The following PLPP4 variants were observed in gnomAD, a reference collection of about 807,000 sequenced individuals.
PLPP4 encodes the protein phospholipid phosphatase 4, also known as diacylglycerol pyrophosphate like 2.
Under a neutral mutation model 32.2 loss-of-function variants are expected in PLPP4, and 20 were observed. That is an observed-to-expected ratio of 0.62 (90% CI 0.44 to 0.90). The LOEUF (loss-of-function observed/expected upper bound fraction) is 0.90, where lower values mean the gene tolerates loss of function less well. PLPP4 is among the 40% of genes least tolerant of loss of function. The pLI is 0.00. For missense variants in PLPP4, 257 were observed against 353.1 expected (o/e 0.73, Z 2.18); for synonymous variants, 127 against 133.0 (o/e 0.95, Z 0.31).
chr10:120,576,283 C>T (rs1242365331), intron 6 of PLPP4, among the ~76,000 whole-genome samples: 1 of 152,210 alleles, frequency 6.6e-6, no homozygotes, highest in Non-Finnish European at 1.5e-5. Context: ...GTCTGTGACC[C>T]AAACCTCCTC....
intron 5 of PLPP4, among the ~76,000 whole-genome samples, chr10:120,557,429 A>G (rs1002423391): frequency 2.0e-5 from 3 of 152,190 alleles, no homozygotes; most frequent in African/African-American, 7.2e-5. Context: ...CCTCCGGAGA[A>G]TGCCATGTCT....
At chr10:120,505,223 G>T (rs188720724) in intron 2 of PLPP4, among the ~76,000 whole-genome samples, 2 of 152,204 alleles carry the variant, frequency 1.3e-5, no homozygotes. Flanking sequence ...AGGTTCTAGC[G>T]GCCAGCTCTT....
At position 120,520,977 on chromosome 10, in the gene PLPP4, C is replaced by T; in HGVS notation, c.327C>T (p.Arg109=). ...NTIKLIVGRP[R]PDFFYRCFPD... Reference sequence around the variant, plus strand: ...TCCATGGTGTCTTTTGTAGACCTCGCCCCGATTTCTTTTACCGCTGCTTTC... The same window carrying T: ...TCCATGGTGTCTTTTGTAGACCTCGTCCCGATTTCTTTTACCGCTGCTTTC... The change falls in exon 5 of 7, where the codon CGC becomes CGT. Residue 109 remains arginine, a synonymous_variant. Coordinates refer to ENST00000398250, the MANE Select transcript of PLPP4 (RefSeq NM_001030059.3). 6.2e-7 allele frequency: 1 copy of T among 1,613,902 alleles called. No individual in the cohort carries two copies. Among genetic ancestry groups the T allele is most frequent in the South Asian group, 1.1e-5 (1 of 91,056 alleles).
chr10:120,541,392 G>C (rs1256159684), intron 5 of PLPP4, among the ~76,000 whole-genome samples: 1 of 152,196 alleles, frequency 6.6e-6, no homozygotes, highest in African/African-American at 2.4e-5. Flanking sequence ...ACTGATCTCT[G>C]TCCCCAGATG....
At chr10:120,541,877 C>T (rs1330433841) in intron 5 of PLPP4, among the ~76,000 whole-genome samples, 2 of 151,884 alleles carry the variant, frequency 1.3e-5, no homozygotes, top group Admixed American at 1.3e-4. Flanking sequence ...TGGGTTCAAG[C>T]AATTCTCTTG....
intron 2 of PLPP4, among the ~76,000 whole-genome samples, chr10:120,510,325 C>T (rs1845674100): frequency 6.6e-6 from 1 of 152,176 alleles, no homozygotes; most frequent in African/African-American, 2.4e-5. Context: ...TTAATAAGCT[C>T]TGACCACTCC....
chr10:120,491,103 C>G (rs1024058699), intron 1 of PLPP4, among the ~76,000 whole-genome samples: 1 of 152,082 alleles, frequency 6.6e-6, no homozygotes, highest in East Asian at 1.9e-4. Context: ...AGACAGGAGC[C>G]GAGTTCTGGA....
Position 120,557,320 on chromosome 10 carries a change from T to C in PLPP4, c.446-17811T>C, listed in dbSNP as rs942832284. ...TTCATTTATTCTGAATTTATTCCCA[T>C]TACAAGCCTTGAATGCTCCCTGGGC... On this transcript the variant is annotated intron_variant, in intron 5 of 6. Transcript: ENST00000398250. Among the ~76,000 whole-genome samples the C allele has an allele frequency of 1.3e-3, 193 of 152,352 alleles. 2 individuals carry two copies. The highest frequency in any genetic ancestry group is 3.1e-3 in the East Asian group (16 of 5,184).
chr10:120,549,347 G>T (rs961456095), intron 5 of PLPP4, among the ~76,000 whole-genome samples: 2 of 150,530 alleles, frequency 1.3e-5, no homozygotes, highest in Non-Finnish European at 3.0e-5. Context: ...AGATGAAGGC[G>T]AAATCTAATT....
In PLPP4 at chr10:120,533,675, T is replaced by A. The variant is rs79770280; in HGVS notation, c.445+12580T>A. On this transcript the variant is annotated intron_variant, in intron 5 of 6. Transcript: ENST00000398250. ...GTTATTACTGTACATATTGTATCTT[T>A]ATATATTACAAACCCAATAATATGT... 2.3e-3 allele frequency among the ~76,000 whole-genome samples: 354 copies of A among 152,286 alleles called. 2 individuals carry two copies. The highest frequency in any genetic ancestry group is 7.8e-3 in the African/African-American group (324 of 41,580).
intron 5 of PLPP4, among the ~76,000 whole-genome samples, chr10:120,533,827 G>T (rs1324528366): frequency 6.6e-6 from 1 of 151,986 alleles, no homozygotes; most frequent in Non-Finnish European, 1.5e-5. Context: ...ATTTGTTCCT[G>T]TGGATTCGAG....
intron 1 of PLPP4, among the ~76,000 whole-genome samples, chr10:120,496,601 AT>A (rs1844973177): frequency 6.6e-6 from 1 of 152,182 alleles, no homozygotes; most frequent in Non-Finnish European, 1.5e-5. Context: ...CAATTCCACG[AT>A]CTGTTGTGAC....
intron 3 of PLPP4, 88 bp downstream of exon 3, chr10:120,514,089 AT>A: frequency 9.6e-7 from 1 of 1,042,404 alleles, no homozygotes; most frequent in South Asian, 1.3e-5. Flanking sequence ...CACCCAACTG[AT>A]TTTTTTCTTT....
chr10:120,463,309 A>T (rs931532375), intron 1 of PLPP4, among the ~76,000 whole-genome samples: 1 of 152,138 alleles, frequency 6.6e-6, no homozygotes, highest in African/African-American at 2.4e-5. Context: ...TACAGGCGTG[A>T]GCCACCGTGC....
intron 6 of PLPP4, among the ~76,000 whole-genome samples, chr10:120,578,334 C>G (rs974810428): frequency 6.6e-6 from 1 of 152,184 alleles, no homozygotes; most frequent in African/African-American, 2.4e-5. Context: ...AGATAAATAA[C>G]TTGTTTTCCT....
intron 5 of PLPP4, among the ~76,000 whole-genome samples, chr10:120,571,012 C>G (rs999512397): frequency 1.3e-5 from 2 of 150,536 alleles, no homozygotes; most frequent in Non-Finnish European, 3.0e-5. Flanking sequence ...AGAAAACCTA[C>G]TACAAGGCTT....
intron 5 of PLPP4, among the ~76,000 whole-genome samples, chr10:120,550,264 A>G (rs1031078493): frequency 2.0e-5 from 3 of 151,982 alleles, no homozygotes; most frequent in African/African-American, 7.2e-5. Context: ...TATTTTTCAA[A>G]CTGCAAAACA....
intron 5 of PLPP4, among the ~76,000 whole-genome samples, chr10:120,557,498 C>A (rs1337034673): frequency 2.6e-5 from 4 of 152,168 alleles, no homozygotes; most frequent in African/African-American, 7.2e-5. Flanking sequence ...GAGTTCATTG[C>A]ACTTGAATAA....
intron 1 of PLPP4, among the ~76,000 whole-genome samples, chr10:120,490,468 C>T (rs1323583146): frequency 1.1e-4 from 17 of 152,254 alleles, no homozygotes; most frequent in Admixed American, 1.1e-3. Context: ...CAGAGCTCAG[C>T]CACTGAGCAG....
Sources: allele counts gnomAD v4.1 joint callset (sites outside exome capture counted in the v4.1 genomes callset), GRCh38; gene constraint gnomAD v4.1.1; transcripts MANE v1.5; gene names NCBI Gene and HGNC (gene_info 2026-07-23, HGNC 2026-07-21).